The following DACH2 variants were observed in gnomAD, a reference collection of about 807,000 sequenced individuals.
DACH2 encodes the protein dachshund homolog 2.
A neutral mutation model predicts 35.8 loss-of-function variants in DACH2; 17 were observed. That is an observed-to-expected ratio of 0.48 (90% CI 0.33 to 0.71). The LOEUF (loss-of-function observed/expected upper bound fraction) is 0.71, where lower values mean the gene tolerates loss of function less well. Ranked by LOEUF, DACH2 falls within the 30% of genes least tolerant of loss-of-function variation. DACH2 has a pLI of 0.02. For missense variants in DACH2, 469 were observed against 472.7 expected, an observed-to-expected ratio of 0.99 and a Z score of 0.07; for synonymous variants, 195 against 177.3, an observed-to-expected ratio of 1.10 and a Z score of -0.79.
intron 3 of DACH2, among the ~76,000 whole-genome samples, chrX:86,605,063 A>G (rs1485893331): frequency 3.6e-5 from 4 of 111,768 alleles, no homozygotes; most frequent in South Asian, 3.7e-4. Context: ...GGCTCTTCTG[A>G]TGCAATGATT....
intron 1 of DACH2, among the ~76,000 whole-genome samples, chrX:86,343,085 C>T (rs140805593): frequency 7.5e-4 from 84 of 111,977 alleles, no homozygotes; most frequent in Non-Finnish European, 1.4e-3. Context: ...CTGGGCAACC[C>T]ATAAATTTGT....
chrX:86,211,211 G>A lies in DACH2; in HGVS notation c.488+62103G>A, dbSNP rs943916314. Among the ~76,000 whole-genome samples the A allele has an allele frequency of 8.1e-5, 9 of 111,759 alleles. No homozygotes were observed. In the South Asian group the frequency reaches 1.1e-3, roughly 14 times the overall value. On this transcript the variant is annotated intron_variant, in intron 1 of 11. Transcript: ENST00000373125. ...TACTTAGAATACAATGAAGTCATTT[G>A]AGATACATTGTTGGGGTGGAAGCTA...
rs1189008845 is a variant in DACH2, at chrX:86,297,832, C to T, written c.489-78992C>T. ...ATAGGGAAATCGTGTACTTTATTTT[C>T]CAAACTGGAACACTTTTGAAAGTGA... On this transcript the variant is annotated intron_variant, in intron 1 of 11. Coordinates refer to ENST00000373125, the MANE Select transcript of DACH2 (RefSeq NM_053281.3). Among the ~76,000 whole-genome samples the T allele has an allele frequency of 2.7e-5, 3 of 111,724 alleles. No individual in the cohort carries two copies. The Admixed American group carries it at 2.9e-4, about 11-fold the overall frequency.
At chrX:86,580,239 T>C (rs2039485658) in intron 3 of DACH2, among the ~76,000 whole-genome samples, 1 of 111,785 alleles carries the variant, frequency 8.9e-6, no homozygotes. Context: ...ATTCAAAGGA[T>C]AGCAACTTCA....
At chrX:86,672,088 G>T (rs2040771420) in intron 4 of DACH2, among the ~76,000 whole-genome samples, 1 of 111,903 alleles carries the variant, frequency 8.9e-6, no homozygotes. Flanking sequence ...GAACTTGAGA[G>T]AGATGATTTA....
intron 3 of DACH2, among the ~76,000 whole-genome samples, chrX:86,629,124 AT>A (rs772333052): frequency 1.8e-5 from 2 of 111,810 alleles, no homozygotes; most frequent in Non-Finnish European, 3.8e-5. Flanking sequence ...AAACAGGACT[AT>A]GTGTTGCTGC....
chrX:86,637,157 A>T (rs12832654), intron 3 of DACH2, among the ~76,000 whole-genome samples: 3 of 96,817 alleles, frequency 3.1e-5, no homozygotes, highest in Non-Finnish European at 4.1e-5. Context: ...AATCAAAACC[A>T]CAATGACATA....
Position 86,303,881 on chromosome X carries a change from A to G in DACH2, c.489-72943A>G, listed in dbSNP as rs745771262. Reference sequence around the variant, plus strand: ...GACATTCTTCACAGAAATAAAAAACACAATCTGAAAATTCGTATGGAACCA... The same window carrying G: ...GACATTCTTCACAGAAATAAAAAACGCAATCTGAAAATTCGTATGGAACCA... On this transcript the variant is annotated intron_variant, in intron 1 of 11. Coordinates refer to ENST00000373125, the MANE Select transcript of DACH2 (RefSeq NM_053281.3). Among the ~76,000 whole-genome samples, 18 of 111,458 alleles carry G rather than the reference A, an allele frequency of 1.6e-4. No homozygotes were observed. The South Asian group carries it at 3.4e-3, about 21-fold the overall frequency.
chrX:86,493,196 G>T (rs1344208344), intron 2 of DACH2, among the ~76,000 whole-genome samples: 1 of 110,473 alleles, frequency 9.1e-6, no homozygotes, highest in African/African-American at 3.3e-5. Flanking sequence ...GCATCTCCTT[G>T]TGGTTTTGAT....
At chrX:86,417,726 C>T (rs1034875088) in intron 2 of DACH2, among the ~76,000 whole-genome samples, 1 of 111,131 alleles carries the variant, frequency 9.0e-6, no homozygotes, top group African/African-American at 3.3e-5. Context: ...CACACCTGGT[C>T]CCTCCCAAAT....
chrX:86,479,652 A>T (rs1361794834), intron 2 of DACH2, among the ~76,000 whole-genome samples: 1 of 111,456 alleles, frequency 9.0e-6, no homozygotes, highest in Non-Finnish European at 1.9e-5. Flanking sequence ...GGCAAGCTTC[A>T]AGTTTTAAAA....
chrX:86,372,769 C>T (rs1462970621), intron 1 of DACH2, among the ~76,000 whole-genome samples: 3 of 111,076 alleles, frequency 2.7e-5, no homozygotes, highest in Non-Finnish European at 5.7e-5. Context: ...GATCCTGTCA[C>T]TCAGGTAGAG....
At chrX:86,815,314 G>T (rs973507221) in intron 10 of DACH2, among the ~76,000 whole-genome samples, 6 of 111,267 alleles carry the variant, frequency 5.4e-5, no homozygotes, top group Non-Finnish European at 1.1e-4. Context: ...AAATGGAGAT[G>T]CTTGAATTAT....
At chrX:86,823,181 C>T (rs970505259) in intron 11 of DACH2, among the ~76,000 whole-genome samples, 69 of 111,302 alleles carry the variant, frequency 6.2e-4, no homozygotes, top group African/African-American at 2.1e-3. Flanking sequence ...GTAATCCACC[C>T]GCCTCAGCCT....
intron 2 of DACH2, among the ~76,000 whole-genome samples, chrX:86,408,295 C>T (rs996242463): frequency 9.0e-6 from 1 of 111,473 alleles, no homozygotes; most frequent in Admixed American, 9.6e-5. Flanking sequence ...CACAAAGATG[C>T]ATGTGCCTTT....
intron 1 of DACH2, among the ~76,000 whole-genome samples, chrX:86,329,887 TGG>T (rs753657867): frequency 8.9e-6 from 1 of 111,917 alleles, no homozygotes; most frequent in Non-Finnish European, 1.9e-5. Context: ...GTTGTTGATG[TGG>T]GATTCCTGTG....
rs1046725458 is a variant in DACH2 at position 86,634,015 on chromosome X, G to A, written c.641-17021G>A. ...ACTCACAGTTAACACAGGCTGTACA[G>A]GAAGCATTACTAGGAGGCCATAGGA... On this transcript the variant is annotated intron_variant, in intron 3 of 11. Transcript: ENST00000373125. Among the ~76,000 whole-genome samples, 5 of 111,937 alleles carry A rather than the reference G, an allele frequency of 4.5e-5. No homozygotes were observed. In the Admixed American group the frequency reaches 4.7e-4, roughly 11 times the overall value.
chrX:86,297,984 A>G (rs1352558018), intron 1 of DACH2, among the ~76,000 whole-genome samples: 1 of 111,834 alleles, frequency 8.9e-6, no homozygotes, highest in African/African-American at 3.2e-5. Flanking sequence ...TCCACAGGTG[A>G]CTCAGGCCTG....
At chrX:86,648,045 TCA>T (rs200256018) in intron 3 of DACH2, among the ~76,000 whole-genome samples, 5,327 of 110,587 alleles carry the variant, frequency 0.048, 145 homozygotes, top group East Asian at 0.15. Context: ...AAGTAAATGC[TCA>T]GTTATCGGTA....
Sources: allele counts gnomAD v4.1 joint callset (sites outside exome capture counted in the v4.1 genomes callset), GRCh38; gene constraint gnomAD v4.1.1; transcripts MANE v1.5; gene names NCBI Gene and HGNC (gene_info 2026-07-23, HGNC 2026-07-21).